Variants in CCDC83 observed in about 807,000 individuals in gnomAD.
CCDC83 encodes the protein coiled-coil domain containing 83.
In CCDC83, 54 loss-of-function variants were observed where a neutral mutation model predicts 50.1. The ratio of observed to expected loss-of-function variants is 1.08; its 90% CI spans 0.87 to 1.35. CCDC83 has a LOEUF of 1.35. CCDC83 is among the 40% of genes most tolerant of loss of function. CCDC83 has a pLI of 0.00. For synonymous variants in CCDC83, 161 were observed against 153.3 expected (o/e 1.05, Z -0.37); for missense variants, 518 against 473.9 (o/e 1.09, Z -0.86).
rs2093475703 is a variant in CCDC83, at chr11:85,916,041, A to T, written c.888A>T (p.Glu296Asp). The change falls in exon 10 of 11, where the codon GAA (glutamate) becomes GAT (aspartate). Residue 296 changes from glutamate to aspartate, a missense_variant. Glu to Asp is a conservative substitution (Grantham distance 45). Transcript: ENST00000342404. ...LPETHIEEKS[E>D]LQPTEVESRD... ...TATTTATCCAAGAAGAGAAGTCAGA[A>T]TTGCAACCCACAGAAGTAGAAAGTA... The T allele has an allele frequency of 6.2e-7, 1 of 1,608,610 alleles. No homozygotes were observed. The highest frequency in any genetic ancestry group is 1.3e-5 in the African/African-American group (1 of 74,770).
At chr11:85,905,837 C>T (rs1313163140) in intron 7 of CCDC83, among the ~76,000 whole-genome samples, 9 of 150,608 alleles carry the variant, frequency 6.0e-5, no homozygotes, top group African/African-American at 1.2e-4. Flanking sequence ...GGCATGGTGG[C>T]GGGCTCCTGT....
intron 7 of CCDC83, among the ~76,000 whole-genome samples, chr11:85,900,889 A>C (rs533762801): frequency 6.6e-6 from 1 of 151,640 alleles, no homozygotes; most frequent in South Asian, 2.1e-4. Context: ...ACATGGCAAA[A>C]CCTCATCTCT....
chr11:85,915,309 C>G, intron 8 of CCDC83, 110 bp from the exon 9 acceptor site: 1 of 750,256 alleles, frequency 1.3e-6, no homozygotes, highest in Non-Finnish European at 2.2e-6. Flanking sequence ...GAAATTATGT[C>G]TCATTTTTCA....
At chr11:85,868,881 T>C (rs2093222167) in intron 2 of CCDC83, among the ~76,000 whole-genome samples, 1 of 152,226 alleles carries the variant, frequency 6.6e-6, no homozygotes, top group South Asian at 2.1e-4. Flanking sequence ...TGGCAGGTCA[T>C]GTGTGCTTCA....
intron 2 of CCDC83, among the ~76,000 whole-genome samples, chr11:85,869,731 G>A (rs1418773037): frequency 6.6e-6 from 1 of 152,222 alleles, no homozygotes; most frequent in Non-Finnish European, 1.5e-5. Flanking sequence ...AGGGCACTGA[G>A]TAGATGGGGG....
At chr11:85,912,783 C>A in intron 8 of CCDC83, 1 of 1,185,414 alleles carries the variant, frequency 8.4e-7, no homozygotes, top group Non-Finnish European at 1.3e-6. Flanking sequence ...CTGCTGTCCA[C>A]TGCCCTCTTT....
At chr11:85,915,393 ATTGT>A in intron 8 of CCDC83, 22 bp from the exon 9 acceptor site, 2 of 1,528,216 alleles carry the variant, frequency 1.3e-6, no homozygotes, top group East Asian at 2.3e-5. Flanking sequence ...TGACTGACAG[ATTGT>A]TTTTCTCATT....
intron 7 of CCDC83, among the ~76,000 whole-genome samples, chr11:85,909,214 T>C (rs1408192957): frequency 6.6e-6 from 1 of 152,228 alleles, no homozygotes; most frequent in Non-Finnish European, 1.5e-5. Flanking sequence ...TTAAGATTCC[T>C]AAATACAATT....
chr11:85,891,541 G>T (rs2093350513), intron 5 of CCDC83, among the ~76,000 whole-genome samples: 1 of 152,164 alleles, frequency 6.6e-6, no homozygotes, highest in African/African-American at 2.4e-5. Context: ...CAGTCACAGA[G>T]CATTTTTATT....
At chr11:85,892,039 T>C (rs1268530260) in intron 5 of CCDC83, among the ~76,000 whole-genome samples, 1 of 152,174 alleles carries the variant, frequency 6.6e-6, no homozygotes, top group Non-Finnish European at 1.5e-5. Flanking sequence ...AAGAGGCCAC[T>C]GCCACAGGAG....
At chr11:85,857,759 A>C (rs1252085284) in intron 1 of CCDC83, among the ~76,000 whole-genome samples, 1 of 152,180 alleles carries the variant, frequency 6.6e-6, no homozygotes, top group East Asian at 1.9e-4. Context: ...GACATGGGCA[A>C]AGGCTGTGCC....
intron 1 of CCDC83, among the ~76,000 whole-genome samples, chr11:85,864,608 A>T (rs994623562): frequency 1.3e-5 from 2 of 152,194 alleles, no homozygotes; most frequent in Non-Finnish European, 2.9e-5. Flanking sequence ...TGTTTGTAAC[A>T]ACCCTGCCCA....
At chr11:85,910,427 T>C (rs1020013492) in intron 7 of CCDC83, among the ~76,000 whole-genome samples, 2 of 152,196 alleles carry the variant, frequency 1.3e-5, no homozygotes, top group African/African-American at 4.8e-5. Flanking sequence ...GTTCTCAGAA[T>C]TACCTAGCAC....
At chr11:85,893,507 C>T (rs929159247) in intron 5 of CCDC83, among the ~76,000 whole-genome samples, 4 of 152,308 alleles carry the variant, frequency 2.6e-5, no homozygotes, top group South Asian at 2.1e-4. Context: ...TTTGAAACAA[C>T]GCCCTAAGTC....
chr11:85,892,512 CT>C (rs2093355273), intron 5 of CCDC83, among the ~76,000 whole-genome samples: 1 of 152,114 alleles, frequency 6.6e-6, no homozygotes, highest in Admixed American at 6.6e-5. Flanking sequence ...GTGAATATTG[CT>C]TTTTCAGTAT....
chr11:85,882,422 A>G, intron 3 of CCDC83, 91 bp from the exon 4 acceptor site: 1 of 1,278,784 alleles, frequency 7.8e-7, no homozygotes, highest in Non-Finnish European at 1.1e-6. Context: ...TTCCTGTGAT[A>G]CCCAAAGGCC....
At position 85,911,323 on chromosome 11, in the gene CCDC83, AT is replaced by A; in HGVS notation, c.717del (p.His240MetfsTer36). On this transcript the variant is annotated frameshift_variant, in exon 8 of 11. Coordinates refer to ENST00000342404, the MANE Select transcript of CCDC83 (RefSeq NM_001286159.2). LOFTEE classifies it high-confidence loss of function. ...RKEVEELKNA[I>X]HELEAENLVL... Reference sequence around the variant, plus strand: ...GGAAGTTGAAGAATTAAAAAATGCTATTCATGAACTGGAAGCAGAAAATTTG... The same window carrying A: ...GGAAGTTGAAGAATTAAAAAATGCTATCATGAACTGGAAGCAGAAAATTTG... 6.2e-7 allele frequency: 1 copy of A among 1,610,922 alleles called. No homozygotes were observed. The highest frequency in any genetic ancestry group is 8.5e-7 in the Non-Finnish European group (1 of 1,178,160).
intron 7 of CCDC83, among the ~76,000 whole-genome samples, chr11:85,906,666 C>G (rs2093426898): frequency 1.3e-5 from 2 of 152,086 alleles, no homozygotes; most frequent in South Asian, 4.1e-4. Context: ...ATTGCTTGAG[C>G]CTAGGAGTTT....
chr11:85,865,950 C>T (rs967992302), intron 2 of CCDC83, among the ~76,000 whole-genome samples: 2 of 151,426 alleles, frequency 1.3e-5, no homozygotes, highest in African/African-American at 4.9e-5. Context: ...TTTATGTGAC[C>T]TTTTATTTCT....
Sources: allele counts gnomAD v4.1 joint callset (sites outside exome capture counted in the v4.1 genomes callset), GRCh38; gene constraint gnomAD v4.1.1; transcripts MANE v1.5; gene names NCBI Gene and HGNC (gene_info 2026-07-23, HGNC 2026-07-21).